HKDC1: variants seen among roughly 807,000 people sequenced by gnomAD.
HKDC1 encodes the protein hexokinase HKDC1.
In HKDC1, 66 loss-of-function variants were observed where a neutral mutation model predicts 96.6. The ratio of observed to expected loss-of-function variants is 0.68; its 90% CI spans 0.56 to 0.84. The LOEUF (loss-of-function observed/expected upper bound fraction) is 0.84. HKDC1 is among the 40% of genes least tolerant of loss of function. The probability of loss-of-function intolerance (pLI) is 0.00; values close to 1 mark genes in which losing one functional copy is unlikely to be tolerated. For synonymous variants in HKDC1, 466 were observed against 473.1 expected (o/e 0.98, Z 0.20); for missense variants, 1,211 against 1,208.1 (o/e 1.00, Z -0.04).
chr10:69,267,337 C>G lies in HKDC1; in HGVS notation c.*580C>G, dbSNP rs937680257. 1 of 370,534 alleles carries G rather than the reference C, an allele frequency of 2.7e-6. No individual in the cohort carries two copies. Among genetic ancestry groups the G allele is most frequent in the East Asian group, 7.6e-5 (1 of 13,150 alleles). The allele number at this position is 370,534 out of a possible 1,614,324, so 23.0% of individuals were successfully genotyped here. ...TGCAGAGAGGTTGATTGCCAGGGAGCACTGCAGGAATCATTGCATGCTTAA... is the reference window on the plus strand; with the variant it reads ...TGCAGAGAGGTTGATTGCCAGGGAGGACTGCAGGAATCATTGCATGCTTAA... On this transcript the variant is annotated 3_prime_UTR_variant, in exon 18 of 18. Coordinates refer to ENST00000354624, the MANE Select transcript of HKDC1 (RefSeq NM_025130.4).
chr10:69,255,751 T>A (rs1208946232), intron 12 of HKDC1, among the ~76,000 whole-genome samples: 2 of 152,032 alleles, frequency 1.3e-5, no homozygotes, highest in African/African-American at 4.8e-5. Flanking sequence ...ACCTCGTCTC[T>A]ACTAAAAATA....
chr10:69,239,158 T>G, intron 5 of HKDC1, 21 bp downstream of exon 5: 1 of 1,589,214 alleles, frequency 6.3e-7, no homozygotes, highest in Non-Finnish European at 8.6e-7. Context: ...CACCTCGGTG[T>G]GGGAGGCTCT....
At chr10:69,265,969 A>G (rs78609904) in intron 17 of HKDC1, 151 bp downstream of exon 17, 31,332 of 643,052 alleles carry the variant, frequency 0.049, 1,140 homozygotes, top group South Asian at 0.11. Flanking sequence ...CACCTATTCA[A>G]TCTGACAGAC....
chr10:69,226,374 A>C (rs887892879), intron 1 of HKDC1, among the ~76,000 whole-genome samples: 5 of 152,064 alleles, frequency 3.3e-5, no homozygotes. Flanking sequence ...TGGCTGGGTG[A>C]GGTGGCTCAC....
At chr10:69,263,042 G>T (rs1342754258) in intron 16 of HKDC1, among the ~76,000 whole-genome samples, 4 of 151,994 alleles carry the variant, frequency 2.6e-5, no homozygotes, top group Non-Finnish European at 5.9e-5. Context: ...TGGATGTTTT[G>T]ATTTCTACAG....
chr10:69,266,742 A>G lies in HKDC1; in HGVS notation c.2739A>G (p.Ala913=), dbSNP rs756978192. The G allele has an allele frequency of 4.3e-6, 7 of 1,612,502 alleles. No homozygotes were observed. In the African/African-American group the frequency reaches 9.4e-5, roughly 22 times the overall value. Residue 913 remains alanine, a synonymous_variant, in exon 18 of 18, where the codon GCA becomes GCG. Coordinates refer to ENST00000354624, the MANE Select transcript of HKDC1 (RefSeq NM_025130.4). The part of the protein sequence containing the change: ...ITAVAKRLQQ[A]QKEN ...CTGTGGCCAAGAGGTTACAGCAGGC[A>G]CAGAAGGAGAACTAGGAACCCCTGG...
intron 14 of HKDC1, among the ~76,000 whole-genome samples, chr10:69,258,374 C>G (rs567725905): frequency 6.6e-6 from 1 of 152,104 alleles, no homozygotes; most frequent in South Asian, 2.1e-4. Flanking sequence ...ATTTGCTTGT[C>G]CAAGACTAGA....
chr10:69,237,812 C>A (rs1409311190), intron 4 of HKDC1, among the ~76,000 whole-genome samples: 3 of 97,062 alleles, frequency 3.1e-5, no homozygotes, highest in Admixed American at 2.8e-4. Context: ...GAGTCAGAGA[C>A]CTGCATTCGG....
intron 7 of HKDC1, 102 bp from the exon 8 acceptor site, chr10:69,245,976 TC>T: frequency 7.1e-7 from 1 of 1,412,282 alleles, no homozygotes; most frequent in Non-Finnish European, 9.8e-7. Context: ...AGCTCAGCCC[TC>T]TCCCATGTGC....
intron 5 of HKDC1, among the ~76,000 whole-genome samples, chr10:69,239,753 T>G (rs1375397690): frequency 6.8e-6 from 1 of 146,872 alleles, no homozygotes; most frequent in East Asian, 2.0e-4. Flanking sequence ...TTTCCCTTAT[T>G]GTTTTCATTT....
At chr10:69,265,008 A>T (rs1463297356) in intron 16 of HKDC1, among the ~76,000 whole-genome samples, 1 of 152,156 alleles carries the variant, frequency 6.6e-6, no homozygotes, top group East Asian at 1.9e-4. Context: ...TCATTTATTC[A>T]CTTGCTCATT....
intron 2 of HKDC1, among the ~76,000 whole-genome samples, chr10:69,230,505 C>T (rs183157862): frequency 6.6e-6 from 1 of 152,214 alleles, no homozygotes. Context: ...GCACCAGCAC[C>T]AGCAGTGACT....
chr10:69,223,578 A>ATTTTTTTTTTTTTTTTTTTTTTTTTT (rs60016100), intron 1 of HKDC1, among the ~76,000 whole-genome samples: 3 of 85,582 alleles, frequency 3.5e-5, no homozygotes, highest in Non-Finnish European at 4.3e-5. Flanking sequence ...CCACAATCTA[A>ATTTTTTTTTTTTTTTTTTTTTTTTTT]TTTTTTTTTT....
rs1395122396 is a variant in HKDC1 at position 69,266,741 on chromosome 10, C to G, written c.2738C>G (p.Ala913Gly). The G allele has an allele frequency of 6.2e-7, 1 of 1,612,010 alleles. No homozygotes were observed. Among genetic ancestry groups the G allele is most frequent in the African/African-American group, 1.3e-5 (1 of 74,802 alleles). ...GCTGTGGCCAAGAGGTTACAGCAGGCACAGAAGGAGAACTAGGAACCCCTG... is the reference window on the plus strand; with the variant it reads ...GCTGTGGCCAAGAGGTTACAGCAGGGACAGAAGGAGAACTAGGAACCCCTG... ...ITAVAKRLQQ[A>G]QKEN The change falls in exon 18 of 18, where the codon GCA becomes GGA. Residue 913 changes from alanine to glycine, a missense_variant. Physicochemically the swap from Ala to Gly is moderately conservative, Grantham distance 60. Coordinates refer to ENST00000354624, the MANE Select transcript of HKDC1 (RefSeq NM_025130.4).
intron 5 of HKDC1, 36 bp downstream of exon 5, chr10:69,239,173 G>C: frequency 2.6e-6 from 4 of 1,514,852 alleles, no homozygotes; most frequent in Non-Finnish European, 3.7e-6. Flanking sequence ...GGCTCTCCCA[G>C]CCCTAGCTCC....
chr10:69,233,673 C>T (rs544977526), intron 4 of HKDC1, among the ~76,000 whole-genome samples: 13 of 151,804 alleles, frequency 8.6e-5, no homozygotes, highest in Admixed American at 4.6e-4. Context: ...CCGAGGCGGG[C>T]GGATCATGAG....
Position 69,227,347 on chromosome 10 carries a change from C to A in HKDC1, c.204C>A (p.Val68=). Residue 68 remains valine (V), a synonymous_variant, in exon 2 of 18, where the codon GTC becomes GTA. Transcript: ENST00000354624. ...TAAVKMLPTF[V]RAIPDGSENG... ...CAGTGAAGATGTTGCCCACCTTCGT[C>A]AGGGCCATTCCCGATGGTTCCGGTG... 1 of 1,614,210 alleles carries A rather than the reference C, an allele frequency of 6.2e-7. No individual in the cohort carries two copies. Among genetic ancestry groups the A allele is most frequent in the Non-Finnish European group, 8.5e-7 (1 of 1,180,044 alleles).
At chr10:69,244,121 T>C (rs1843500200) in intron 7 of HKDC1, among the ~76,000 whole-genome samples, 1 of 152,188 alleles carries the variant, frequency 6.6e-6, no homozygotes, top group Admixed American at 6.5e-5. Flanking sequence ...ACCTTCCCTC[T>C]GTGTTTGCTG....
chr10:69,264,487 C>T (rs1843861526), intron 16 of HKDC1, among the ~76,000 whole-genome samples: 1 of 151,860 alleles, frequency 6.6e-6, no homozygotes, highest in Admixed American at 6.6e-5. Context: ...AATCCTCATG[C>T]CTCAGCCTCC....
Sources: gnomAD v4.1 joint callset for allele counts (sites outside exome capture counted in the v4.1 genomes callset) on GRCh38, gnomAD v4.1.1 for gene constraint, MANE v1.5 for transcripts, NCBI Gene and HGNC (gene_info 2026-07-23, HGNC 2026-07-21) for gene names.